VCAN: variants seen among roughly 807,000 people sequenced by gnomAD.
The protein encoded by VCAN is versican.
Under a neutral mutation model 245.5 loss-of-function variants are expected in VCAN, and 44 were observed. The observed-to-expected ratio is 0.18, with a 90% confidence interval of 0.14 to 0.23. The LOEUF is 0.23. Among genes scored for constraint, VCAN ranks in the 10% least tolerant of loss-of-function variants. VCAN has a pLI of 1.00. For missense variants in VCAN, 3,793 were observed against 4,057.9 expected (o/e 0.93, Z 1.77); for synonymous variants, 1,413 against 1,437.0 (o/e 0.98, Z 0.38).
At chr5:83,542,479 T>C (rs575574091) in intron 8 of VCAN, among the ~76,000 whole-genome samples, 14 of 152,322 alleles carry the variant, frequency 9.2e-5, no homozygotes, top group African/African-American at 3.1e-4. Context: ...AAGTAGACTT[T>C]GTATTTTTCT....
rs377146797 is a variant in VCAN at position 83,544,563 on chromosome 5, G to A, written c.9266-974G>A. Among the ~76,000 whole-genome samples, 9 of 152,246 alleles carry A rather than the reference G, an allele frequency of 5.9e-5. No homozygotes were observed. In the East Asian group the frequency reaches 1.4e-3, roughly 23 times the overall value. ...ACTTAAGATTCTTGAAAGTATGGGTGTATTCCATAGATAATCTATTTTATT... is the reference window on the plus strand; with the variant it reads ...ACTTAAGATTCTTGAAAGTATGGGTATATTCCATAGATAATCTATTTTATT... On this transcript the variant is annotated intron_variant, in intron 8 of 14. Transcript: ENST00000265077.
chr5:83,547,330 G>A (rs537791513), intron 9 of VCAN, among the ~76,000 whole-genome samples: 8 of 152,304 alleles, frequency 5.3e-5, no homozygotes, highest in Admixed American at 1.3e-4. Flanking sequence ...TAGATTTGGG[G>A]TGGAATTGGA....
In VCAN at chr5:83,538,765, T is replaced by TAAGGGGCTTTTCACA; in HGVS notation, c.5774_5775insACAAAGGGGCTTTTC (p.Ser1925_Thr1926insGlnArgGlyPheSer). The stretch of plus-strand genomic sequence containing the variant: ...GGAGAACCAAATTATGGGGCAGAAA[T>TAAGGGGCTTTTCACA]AAGGGGCTTTTCCACAGGTTTTCCT... On this transcript the variant is annotated inframe_insertion, in exon 8 of 15. Transcript: ENST00000265077. The TAAGGGGCTTTTCACA allele has an allele frequency of 6.2e-7, 1 of 1,613,912 alleles. No individual in the cohort carries two copies. The highest frequency in any genetic ancestry group is 8.5e-7 in the Non-Finnish European group (1 of 1,179,942).
Position 83,580,591 on chromosome 5 carries a change from G to T in VCAN, c.*157G>T, listed in dbSNP as rs1312156066. 9.1e-5 allele frequency: 97 copies of T among 1,065,086 alleles called. No homozygotes were observed. The highest frequency in any genetic ancestry group is 1.3e-4 in the Non-Finnish European group (93 of 717,860). The allele number at this position is 1,065,086 out of a possible 1,614,324, so 66.0% of individuals were successfully genotyped here. Reference sequence around the variant, plus strand: ...GCCGTGCTCCCAAAACATTTTAAATGAAAGTATTGGCATTCAAAAAGACAG... The same window carrying T: ...GCCGTGCTCCCAAAACATTTTAAATTAAAGTATTGGCATTCAAAAAGACAG... On this transcript the variant is annotated 3_prime_UTR_variant, in exon 15 of 15. Coordinates refer to ENST00000265077, the MANE Select transcript of VCAN (RefSeq NM_004385.5).
At chr5:83,536,834 A>G (rs1554040393) in intron 7 of VCAN, 173 bp from the exon 8 acceptor site, 1 of 544,584 alleles carries the variant, frequency 1.8e-6, no homozygotes, top group Non-Finnish European at 3.1e-6. Flanking sequence ...TTGTTAATAC[A>G]AAAACAGTAA....
intron 12 of VCAN, among the ~76,000 whole-genome samples, chr5:83,571,574 T>G (rs1269017380): frequency 3.3e-5 from 5 of 152,086 alleles, no homozygotes; most frequent in Non-Finnish European, 7.4e-5. Context: ...TACGTGTATA[T>G]ATAAAGGTAA....
chr5:83,484,681 G>A (rs1744735114), intron 2 of VCAN, among the ~76,000 whole-genome samples: 2 of 152,236 alleles, frequency 1.3e-5, no homozygotes, highest in Non-Finnish European at 1.5e-5. Flanking sequence ...ACTCATAACT[G>A]GCCTATCGTT....
At position 83,538,033 on chromosome 5, in the gene VCAN, T is replaced by A; in HGVS notation, c.5030T>A (p.Ile1677Asn). ...TLITLDTSRIITESFFEVPAT... is the reference protein window; with the variant it reads ...TLITLDTSRINTESFFEVPAT... The stretch of plus-strand genomic sequence containing the variant: ...ATTACTTTAGACACTAGCAGGATAA[T>A]CACAGAAAGCTTTTTTGAGGTTCCT... Residue 1677 changes from isoleucine to asparagine, a missense_variant, in exon 8 of 15, where the codon ATC becomes AAC. By Grantham distance (149) the Ile-to-Asn change is moderately radical (BLOSUM62 -3). Around this residue, in one of 5 missense-constraint regions of VCAN, gnomAD observed 3,182 missense variants for 3,250.3 expected, o/e 0.98. Coordinates refer to ENST00000265077, the MANE Select transcript of VCAN (RefSeq NM_004385.5). 6.2e-7 allele frequency: 1 copy of A among 1,614,046 alleles called. No individual in the cohort carries two copies. Among genetic ancestry groups the A allele is most frequent in the Non-Finnish European group, 8.5e-7 (1 of 1,179,962 alleles).
rs916551134 is a variant in VCAN at position 83,555,103 on chromosome 5, G to A, written c.9735+65G>A. ...GGAAATTTGGTACTGTGCACTGATT[G>A]TGCATTACAGAGGGTGCATTAGACT... On this transcript the variant is annotated intron_variant, in intron 12 of 14. Coordinates refer to ENST00000265077, the MANE Select transcript of VCAN (RefSeq NM_004385.5). The A allele has an allele frequency of 2.6e-6, 4 of 1,531,018 alleles. No homozygotes were observed. In the African/African-American group the frequency reaches 5.5e-5, roughly 21 times the overall value. 94.8% of individuals were successfully genotyped at this position (1,531,018 alleles called of 1,614,324 possible).
chr5:83,572,817 TAAG>T (rs1748335279), intron 13 of VCAN, among the ~76,000 whole-genome samples: 2 of 152,178 alleles, frequency 1.3e-5, no homozygotes, highest in South Asian at 2.1e-4. Flanking sequence ...GTAATATCTT[TAAG>T]AAGAACAACT....
intron 10 of VCAN, among the ~76,000 whole-genome samples, chr5:83,551,288 A>G (rs1747457833): frequency 6.6e-6 from 1 of 152,176 alleles, no homozygotes. Flanking sequence ...AGGCAGGTGG[A>G]TCACCTGAGG....
At chr5:83,473,820 T>C (rs1744287130) in intron 1 of VCAN, among the ~76,000 whole-genome samples, 1 of 152,190 alleles carries the variant, frequency 6.6e-6, no homozygotes, top group Non-Finnish European at 1.5e-5. Flanking sequence ...TGGAAGGCCC[T>C]AGTTTTCCCT....
intron 8 of VCAN, among the ~76,000 whole-genome samples, chr5:83,543,032 G>A (rs1189437442): frequency 1.3e-5 from 2 of 152,172 alleles, no homozygotes; most frequent in East Asian, 3.9e-4. Flanking sequence ...ACTTGCCCAA[G>A]GTGGCACAGC....
intron 5 of VCAN, among the ~76,000 whole-genome samples, chr5:83,503,215 G>GGA (rs147003048): frequency 3.3e-5 from 5 of 151,826 alleles, no homozygotes; most frequent in African/African-American, 9.7e-5. Context: ...AAAAAACGAT[G>GGA]GAGAGAGAGA....
In VCAN at chr5:83,520,558, C is replaced by T. The variant is rs760966215; in HGVS notation, c.2252C>T (p.Thr751Ile). The T allele has an allele frequency of 4.3e-6, 7 of 1,613,900 alleles. No individual in the cohort carries two copies. In the African/African-American group the frequency reaches 8.0e-5, roughly 18 times the overall value. Residue 751 changes from threonine to isoleucine, a missense_variant, in exon 7 of 15, where the codon ACA becomes ATA. Transcript: ENST00000265077. Reference sequence around the variant, plus strand: ...ATGACCAAGTCTTTTGATTTCCCAACATTGATAACAAAGTTAAGTGCAGAG... The same window carrying T: ...ATGACCAAGTCTTTTGATTTCCCAATATTGATAACAAAGTTAAGTGCAGAG... ...VEMTKSFDFP[T>I]LITKLSAEPT...
At chr5:83,494,988 C>T (rs936105338) in intron 5 of VCAN, among the ~76,000 whole-genome samples, 1 of 152,148 alleles carries the variant, frequency 6.6e-6, no homozygotes, top group Admixed American at 6.5e-5. Context: ...TCAACAAATA[C>T]ATAAATATAA....
chr5:83,479,093 A>G (rs1340831568), intron 1 of VCAN, among the ~76,000 whole-genome samples: 1 of 152,174 alleles, frequency 6.6e-6, no homozygotes, highest in East Asian at 1.9e-4. Flanking sequence ...TCACACCTAA[A>G]TCACGTGATT....
At chr5:83,548,331 G>A (rs754346586) in intron 10 of VCAN, among the ~76,000 whole-genome samples, 3 of 152,134 alleles carry the variant, frequency 2.0e-5, no homozygotes, top group Admixed American at 1.3e-4. Context: ...GAATATTATC[G>A]TATGTATTTT....
intron 1 of VCAN, among the ~76,000 whole-genome samples, chr5:83,474,896 G>A (rs748089432): frequency 1.3e-5 from 2 of 152,186 alleles, no homozygotes; most frequent in Non-Finnish European, 2.9e-5. Flanking sequence ...GGGAGTGGTA[G>A]GAGGGGCATC....
Sources: gnomAD v4.1 joint callset for allele counts (sites outside exome capture counted in the v4.1 genomes callset) on GRCh38, gnomAD v4.1.1 for gene constraint, gnomAD v4.1.1 regional missense constraint, MANE v1.5 for transcripts, NCBI Gene and HGNC (gene_info 2026-07-23, HGNC 2026-07-21) for gene names.